The following EHMT1 variants were observed in gnomAD, a reference collection of about 807,000 sequenced individuals.
The protein encoded by EHMT1 is euchromatic histone lysine methyltransferase 1.
Under a neutral mutation model 147.2 loss-of-function variants are expected in EHMT1, and 15 were observed. The ratio of observed to expected loss-of-function variants is 0.10; its 90% confidence interval spans 0.07 to 0.16. The LOEUF (loss-of-function observed/expected upper bound fraction) is 0.16, where lower values mean the gene tolerates loss of function less well. EHMT1 is among the 10% of genes least tolerant of loss of function. The pLI is 1.00. For synonymous variants in EHMT1, 795 were observed against 709.6 expected, an observed-to-expected ratio of 1.12 and a Z score of -1.91; for missense variants, 1,587 against 1,772.4, an observed-to-expected ratio of 0.90 and a Z score of 1.88.
intron 1 of EHMT1, among the ~76,000 whole-genome samples, chr9:137,657,630 G>A (rs1274492042): frequency 6.6e-6 from 1 of 151,952 alleles, no homozygotes; most frequent in Non-Finnish European, 1.5e-5. Flanking sequence ...AGGGTAACTG[G>A]GGTGTCCATC....
At chr9:137,736,552 G>A (rs964762202) in intron 4 of EHMT1, among the ~76,000 whole-genome samples, 4 of 152,226 alleles carry the variant, frequency 2.6e-5, no homozygotes, top group African/African-American at 4.8e-5. Flanking sequence ...TTCTAGGATC[G>A]ACCATATGTT....
At chr9:137,818,369 C>T (rs1251333891) in intron 25 of EHMT1, among the ~76,000 whole-genome samples, 1 of 152,176 alleles carries the variant, frequency 6.6e-6, no homozygotes, top group Non-Finnish European at 1.5e-5. Flanking sequence ...CAGCCAACTG[C>T]CCCTTTCTTG....
intron 1 of EHMT1, among the ~76,000 whole-genome samples, chr9:137,688,441 T>C (rs1006400070): frequency 2.6e-5 from 4 of 152,246 alleles, no homozygotes; most frequent in Non-Finnish European, 5.9e-5. Flanking sequence ...TATCCCACAC[T>C]GGGCCGTGGC....
chr9:137,628,113 G>A (rs1843385368), intron 1 of EHMT1, among the ~76,000 whole-genome samples: 1 of 152,202 alleles, frequency 6.6e-6, no homozygotes, highest in Non-Finnish European at 1.5e-5. Context: ...CTGTTCTCAG[G>A]TGGAGTTTTG....
At chr9:137,743,555 C>T (rs1333299617) in intron 5 of EHMT1, 27 bp downstream of exon 5, 2 of 1,613,860 alleles carry the variant, frequency 1.2e-6, no homozygotes, top group East Asian at 2.2e-5. Context: ...AGTGAGTTGC[C>T]ACGTGTGCGT....
Position 137,762,829 on chromosome 9 carries a change from G to C in EHMT1, c.1647+9G>C, listed in dbSNP as rs768199995. 3.1e-6 allele frequency: 5 copies of C among 1,613,988 alleles called. No individual in the cohort carries two copies. The African/African-American group carries it at 6.7e-5, about 22-fold the overall frequency. ...AGAGCGTGGACCATGAAGTAAGCAC[G>C]TTTGTTTTCATTTAAAGCAGCCACG... On this transcript the variant is annotated intron_variant, in intron 10 of 26. Transcript: ENST00000460843.
intron 21 of EHMT1, chr9:137,814,224 G>T (rs1954745651): frequency 1.5e-6 from 1 of 652,826 alleles, no homozygotes. Context: ...CTCTGTCAGG[G>T]TCCTCAGCCA....
Position 137,704,698 on chromosome 9 carries a change from C to G in EHMT1, c.22-6269C>G, listed in dbSNP as rs1024765853. 5.9e-5 allele frequency among the ~76,000 whole-genome samples: 9 copies of G among 152,100 alleles called. No individual in the cohort carries two copies. The East Asian group carries it at 1.6e-3, about 26-fold the overall frequency. On this transcript the variant is annotated intron_variant, in intron 1 of 26. Coordinates refer to ENST00000460843, the MANE Select transcript of EHMT1 (RefSeq NM_024757.5). ...TTTAGGATTTTGTATTTAAAAGGCC[C>G]TTTACTTGAAAGAAGCATCAGAATT...
chr9:137,681,981 C>T (rs541705777), intron 1 of EHMT1, among the ~76,000 whole-genome samples: 2 of 152,128 alleles, frequency 1.3e-5, no homozygotes, highest in African/African-American at 4.8e-5. Flanking sequence ...GAGGCAGTCT[C>T]GCTCTGTCGC....
chr9:137,666,336 T>C (rs572997982), intron 1 of EHMT1, among the ~76,000 whole-genome samples: 11 of 152,400 alleles, frequency 7.2e-5, no homozygotes, highest in African/African-American at 2.6e-4. Flanking sequence ...TTTTCAGTTA[T>C]GCTGATGATA....
chr9:137,780,012 A>C (rs2136773239), intron 14 of EHMT1, among the ~76,000 whole-genome samples: 1 of 152,362 alleles, frequency 6.6e-6, no homozygotes, highest in South Asian at 2.1e-4. Context: ...GGAAAAGCAA[A>C]ACTAGTGAGT....
chr9:137,722,954 C>T lies in EHMT1; in HGVS notation c.643-5395C>T, dbSNP rs1461529597. Among the ~76,000 whole-genome samples the T allele has an allele frequency of 1.0e-3, 112 of 107,488 alleles. 1 individual carries two copies. The highest frequency in any genetic ancestry group is 5.4e-3 in the African/African-American group (108 of 19,966). 70.5% of individuals were successfully genotyped at this position (107,488 alleles called of 152,430 possible). On this transcript the variant is annotated intron_variant, in intron 3 of 26. Transcript: ENST00000460843. ...TGTGTCTGTGGTTCTGGGCCTGAGC[C>T]GGGGGTGTGTCTGTGTCTGTGGTTC...
In EHMT1 at chr9:137,762,721, A is replaced by G; in HGVS notation, c.1548A>G (p.Glu516=). ...PDVLETDGLQ[E]VPLCSCRMET... ...TGCTGGAGACAGACGGCCTCCAGGA[A>G]GTGCCTCTCTGCAGCTGCCGGATGG... The change falls in exon 10 of 27, where the codon GAA becomes GAG. Residue 516 remains glutamate (E), a synonymous_variant. Transcript: ENST00000460843. The G allele has an allele frequency of 6.2e-7, 1 of 1,614,256 alleles. No individual in the cohort carries two copies. The highest frequency in any genetic ancestry group is 8.5e-7 in the Non-Finnish European group (1 of 1,180,034).
chr9:137,825,410 G>A (rs1955743296), intron 25 of EHMT1, among the ~76,000 whole-genome samples: 1 of 152,160 alleles, frequency 6.6e-6, no homozygotes, highest in Non-Finnish European at 1.5e-5. Context: ...GGAATCACAT[G>A]CCATCTGGCC....
intron 18 of EHMT1, among the ~76,000 whole-genome samples, chr9:137,809,844 G>A (rs549842280): frequency 6.6e-4 from 101 of 152,070 alleles, no homozygotes; most frequent in African/African-American, 2.2e-3. Context: ...AGGGTCCGGA[G>A]GCGGTTCCGA....
intron 1 of EHMT1, among the ~76,000 whole-genome samples, chr9:137,658,703 C>A (rs1292681088): frequency 6.6e-6 from 1 of 151,882 alleles, no homozygotes; most frequent in Non-Finnish European, 1.5e-5. Context: ...GCTTCAACTT[C>A]CCAGGCTCAA....
At position 137,810,251 on chromosome 9, in the gene EHMT1, C is replaced by G. The variant is rs13440064; in HGVS notation, c.2713-1210C>G. Among the ~76,000 whole-genome samples the G allele has an allele frequency of 1.0e-3, 115 of 112,532 alleles. 2 individuals are homozygous for G. In the African/African-American group the frequency reaches 0.012, roughly 12 times the overall value. The allele number at this position is 112,532 out of a possible 152,430, so 73.8% of individuals were successfully genotyped here. On this transcript the variant is annotated intron_variant, in intron 18 of 26. Coordinates refer to ENST00000460843, the MANE Select transcript of EHMT1 (RefSeq NM_024757.5). Reference sequence around the variant, plus strand: ...TCCGATGCCGCCCCGCGTGGACCGTCGGTGATGGGTCCGGAGGCGGTTCCG... The same window carrying G: ...TCCGATGCCGCCCCGCGTGGACCGTGGGTGATGGGTCCGGAGGCGGTTCCG...
At chr9:137,717,454 G>C (rs912200908) in intron 3 of EHMT1, among the ~76,000 whole-genome samples, 6 of 151,656 alleles carry the variant, frequency 4.0e-5, no homozygotes, top group Non-Finnish European at 7.4e-5. Flanking sequence ...TGTAAAAAAT[G>C]CAAAAATTAA....
rs532880924 is a variant in EHMT1 at position 137,744,079 on chromosome 9, C to A, written c.1159C>A (p.Arg387Ser). ...CAAGGAGAGCATGTCGGAGGCTGAT[C>A]GCGCCCAGAAGGTATGTGTTGCTGT... ...TSKESMSEAD[R>S]AQKMDGESEE... The change falls in exon 6 of 27, where the codon CGC becomes AGC. Residue 387 changes from arginine (R) to serine (S), a missense_variant. Coordinates refer to ENST00000460843, the MANE Select transcript of EHMT1 (RefSeq NM_024757.5). The A allele has an allele frequency of 1.2e-6, 2 of 1,613,932 alleles. No individual in the cohort carries two copies. Among genetic ancestry groups the A allele is most frequent in the Non-Finnish European group, 1.7e-6 (2 of 1,180,046 alleles).
Sources: gnomAD v4.1 joint callset for allele counts (sites outside exome capture counted in the v4.1 genomes callset) on GRCh38, gnomAD v4.1.1 for gene constraint, MANE v1.5 for transcripts, NCBI Gene and HGNC (gene_info 2026-07-23, HGNC 2026-07-21) for gene names.